Variants in MTR observed in about 807,000 individuals in gnomAD.
The protein encoded by MTR is 5-methyltetrahydrofolate-homocysteine methyltransferase, also known as methionine synthase.
In MTR, 84 loss-of-function variants were observed where a neutral mutation model predicts 154.8. The observed-to-expected ratio is 0.54, with a 90% CI of 0.45 to 0.65. The LOEUF (loss-of-function observed/expected upper bound fraction) is 0.65. Ranked by LOEUF, MTR falls within the 30% of genes least tolerant of loss-of-function variation. MTR has a pLI of 0.00. For synonymous variants in MTR, 554 were observed against 553.9 expected (o/e 1.00, Z 0.00); for missense variants, 1,275 against 1,570.2 (o/e 0.81, Z 3.18).
At chr1:236,816,727 G>A (rs1026349853) in intron 8 of MTR, among the ~76,000 whole-genome samples, 184 bp downstream of exon 8, 3 of 152,238 alleles carry the variant, frequency 2.0e-5, no homozygotes, top group Non-Finnish European at 2.9e-5. Flanking sequence ...CTGCCTAAAC[G>A]GGTCAATTTG....
chr1:236,822,396 A>T (rs759153943), intron 8 of MTR, among the ~76,000 whole-genome samples: 5 of 148,412 alleles, frequency 3.4e-5, no homozygotes, highest in Non-Finnish European at 7.4e-5. Flanking sequence ...TGCAGCCTCA[A>T]CCTCCCAGGC....
At position 236,831,953 on chromosome 1, in the gene MTR, T is replaced by G; in HGVS notation, c.1076-13T>G. 1 of 1,608,048 alleles carries G rather than the reference T, an allele frequency of 6.2e-7. No homozygotes were observed. The highest frequency in any genetic ancestry group is 8.5e-7 in the Non-Finnish European group (1 of 1,174,446). On this transcript the variant is annotated splice_polypyrimidine_tract_variant and intron_variant, in intron 12 of 32. Coordinates refer to ENST00000366577, the MANE Select transcript of MTR (RefSeq NM_000254.3). Reference sequence around the variant, plus strand: ...CATTTGCAGAAATTTTTCAAAATGCTTCTCCTTTTAAGGTCTAGAGCCCTT... The same window carrying G: ...CATTTGCAGAAATTTTTCAAAATGCGTCTCCTTTTAAGGTCTAGAGCCCTT...
At chr1:236,863,647 G>T in intron 22 of MTR, 93 bp downstream of exon 22, 2 of 1,088,648 alleles carry the variant, frequency 1.8e-6, no homozygotes, top group Non-Finnish European at 2.8e-6. Context: ...GAAGAGTAGG[G>T]CATGGCAGTG....
chr1:236,818,682 A>AT (rs1295133587), intron 8 of MTR, among the ~76,000 whole-genome samples: 2 of 152,208 alleles, frequency 1.3e-5, no homozygotes, highest in Non-Finnish European at 2.9e-5. Flanking sequence ...AAAAGGATAC[A>AT]TTTTCTTACA....
intron 9 of MTR, 87 bp downstream of exon 9, chr1:236,824,306 T>C (rs934506882): frequency 6.8e-6 from 8 of 1,168,560 alleles, no homozygotes; most frequent in Non-Finnish European, 1.0e-5. Flanking sequence ...GAATAAAAGA[T>C]CTTGTTTTGC....
chr1:236,854,685 G>A (rs1664102941), intron 18 of MTR, among the ~76,000 whole-genome samples: 1 of 152,178 alleles, frequency 6.6e-6, no homozygotes. Flanking sequence ...GATCTATCCA[G>A]AGGAGGCAGC....
Position 236,817,757 on chromosome 1 carries a change from T to G in MTR, c.764+1214T>G, listed in dbSNP as rs191558344. Among the ~76,000 whole-genome samples, 20 of 152,364 alleles carry G rather than the reference T, an allele frequency of 1.3e-4. No individual in the cohort carries two copies. In the East Asian group the frequency reaches 3.9e-3, roughly 29 times the overall value. On this transcript the variant is annotated intron_variant, in intron 8 of 32. Transcript: ENST00000366577. ...TATAATTACAGGGTGCATCTTACAGTTGACTTAATGTCATATTGTGATTTC... is the reference window on the plus strand; with the variant it reads ...TATAATTACAGGGTGCATCTTACAGGTGACTTAATGTCATATTGTGATTTC...
chr1:236,858,856 C>T (rs75523559), intron 18 of MTR, among the ~76,000 whole-genome samples: 2,277 of 152,250 alleles, frequency 0.015, 21 homozygotes, highest in Middle Eastern at 0.037. Flanking sequence ...ATGATCATTG[C>T]GCTTTTGTTC....
At chr1:236,869,322 A>T (rs1664990166) in intron 22 of MTR, among the ~76,000 whole-genome samples, 1 of 152,192 alleles carries the variant, frequency 6.6e-6, no homozygotes, top group African/African-American at 2.4e-5. Flanking sequence ...TTAGTATCCA[A>T]ATTAAATGCT....
chr1:236,877,258 A>C (rs897455994), intron 24 of MTR, among the ~76,000 whole-genome samples: 1 of 152,226 alleles, frequency 6.6e-6, no homozygotes, highest in Non-Finnish European at 1.5e-5. Context: ...AAGTGCTTTT[A>C]CAGAAGTTTA....
intron 25 of MTR, among the ~76,000 whole-genome samples, chr1:236,884,732 G>A (rs1201072154): frequency 6.6e-6 from 1 of 152,134 alleles, no homozygotes; most frequent in Non-Finnish European, 1.5e-5. Context: ...AGCCTTAATT[G>A]TTCAGTCTTC....
chr1:236,807,170 G>C (rs1276389126), intron 3 of MTR, among the ~76,000 whole-genome samples: 3 of 152,210 alleles, frequency 2.0e-5, no homozygotes, highest in African/African-American at 7.2e-5. Context: ...CTGCTTTTCA[G>C]AGTGGCTGTA....
chr1:236,834,838 C>G (rs966130462), intron 13 of MTR, among the ~76,000 whole-genome samples: 16 of 152,090 alleles, frequency 1.1e-4, no homozygotes, highest in African/African-American at 3.4e-4. Context: ...ACAAAATATT[C>G]CTTAGACGAT....
chr1:236,835,313 G>A (rs1008424709), intron 13 of MTR, among the ~76,000 whole-genome samples: 1 of 152,050 alleles, frequency 6.6e-6, no homozygotes, highest in Non-Finnish European at 1.5e-5. Context: ...AATCTTTATG[G>A]TAGGAAAACA....
chr1:236,845,992 C>T (rs1663548656), intron 15 of MTR, among the ~76,000 whole-genome samples: 1 of 152,210 alleles, frequency 6.6e-6, no homozygotes. Context: ...GCAAGGCACA[C>T]CAGCTTTGTT....
chr1:236,845,243 A>C (rs1663500432), intron 15 of MTR, among the ~76,000 whole-genome samples: 1 of 152,206 alleles, frequency 6.6e-6, no homozygotes. Context: ...GTCTAAGGAT[A>C]GGTTTTCCCA....
intron 23 of MTR, among the ~76,000 whole-genome samples, chr1:236,874,321 TC>T (rs1353984122): frequency 6.6e-6 from 1 of 152,108 alleles, no homozygotes; most frequent in African/African-American, 2.4e-5. Context: ...ACACCTGTAA[TC>T]CCGGCATTTT....
intron 13 of MTR, among the ~76,000 whole-genome samples, chr1:236,833,627 C>G (rs929268640): frequency 1.3e-5 from 2 of 152,206 alleles, no homozygotes; most frequent in Non-Finnish European, 2.9e-5. Context: ...GGACAGGTGA[C>G]TCTTCATTAG....
rs1204270455 is a variant in MTR, at chr1:236,825,379, A to C, written c.907A>C (p.Met303Leu). The C allele has an allele frequency of 6.2e-7, 1 of 1,613,728 alleles. No individual in the cohort carries two copies. The stretch of plus-strand genomic sequence containing the variant: ...TGGTGACTATGATGAAACGCCTTCT[A>C]TGATGGCCAAGCACCTAAAGGTCAG... ...TFGDYDETPS[M>L]MAKHLKDFAM... The change falls in exon 10 of 33, where the codon ATG becomes CTG. Residue 303 changes from methionine (M) to leucine (L), a missense_variant. Transcript: ENST00000366577.
Sources: allele counts gnomAD v4.1 joint callset (sites outside exome capture counted in the v4.1 genomes callset), GRCh38; gene constraint gnomAD v4.1.1; transcripts MANE v1.5; gene names NCBI Gene and HGNC (gene_info 2026-07-23, HGNC 2026-07-21).